Variants in IGF2R observed in about 807,000 individuals in gnomAD.
The protein encoded by IGF2R is insulin like growth factor 2 receptor, also known as cation-independent mannose-6-phosphate receptor.
Under a neutral mutation model 270.6 loss-of-function variants are expected in IGF2R, and 91 were observed. The observed-to-expected ratio is 0.34, with a 90% CI of 0.28 to 0.40. The LOEUF (loss-of-function observed/expected upper bound fraction) is 0.40. Among genes scored for constraint, IGF2R ranks in the 10% least tolerant of loss-of-function variants. IGF2R has a pLI of 1.00. For missense variants in IGF2R, 2,805 were observed against 3,188.3 expected, an observed-to-expected ratio of 0.88 and a Z score of 2.90; for synonymous variants, 1,316 against 1,258.9, an observed-to-expected ratio of 1.05 and a Z score of -0.96.
chr6:160,064,466 A>G lies in IGF2R; in HGVS notation c.3952A>G (p.Thr1318Ala), dbSNP rs776004608. Residue 1318 changes from threonine (T) to alanine (A), a missense_variant, in exon 28 of 48, where the codon ACT (threonine) becomes GCT (alanine). Physicochemically the swap from Thr to Ala is moderately conservative, Grantham distance 58. Coordinates refer to ENST00000356956, the MANE Select transcript of IGF2R (RefSeq NM_000876.4). ...AAAAATGAACTTCACGGGGGGGGAC[A>G]CTTGCCATAAGGTTTATCAGCGCTC... ...LLKMNFTGGD[T>A]CHKVYQRSTA... is the part of the protein sequence containing the mutation. The G allele has an allele frequency of 6.2e-7, 1 of 1,614,088 alleles. No homozygotes were observed. The highest frequency in any genetic ancestry group is 1.1e-5 in the South Asian group (1 of 91,076).
rs1779595050 is a variant in IGF2R at position 160,105,521 on chromosome 6, A to G, written c.*437A>G. ...TGAGAAAAAGGAAAAAAAAACAGCCACCGTTTCTTCCTGCCAGCAGGGGTG... is the reference window on the plus strand; with the variant it reads ...TGAGAAAAAGGAAAAAAAAACAGCCGCCGTTTCTTCCTGCCAGCAGGGGTG... On this transcript the variant is annotated 3_prime_UTR_variant, in exon 48 of 48. Transcript: ENST00000356956. 6.4e-6 allele frequency: 1 copy of G among 156,608 alleles called. No homozygotes were observed. Among genetic ancestry groups the G allele is most frequent in the Non-Finnish European group, 1.4e-5 (1 of 70,584 alleles). 9.7% of individuals were successfully genotyped at this position (156,608 alleles called of 1,614,324 possible).
At chr6:159,982,164 T>C (rs1347718548) in intron 1 of IGF2R, among the ~76,000 whole-genome samples, 1 of 152,204 alleles carries the variant, frequency 6.6e-6, no homozygotes, top group African/African-American at 2.4e-5. Context: ...GTGGTTACCT[T>C]AGGCTCTTGA....
chr6:160,033,902 TA>T (rs1289444968), intron 9 of IGF2R, among the ~76,000 whole-genome samples: 5 of 152,204 alleles, frequency 3.3e-5, no homozygotes, highest in African/African-American at 9.7e-5. Context: ...GAAAATGTGT[TA>T]GGGGCAGTTA....
chr6:160,035,563 T>C (rs1172392463), intron 10 of IGF2R, among the ~76,000 whole-genome samples: 1 of 152,222 alleles, frequency 6.6e-6, no homozygotes, highest in Non-Finnish European at 1.5e-5. Context: ...CAGTAACTGC[T>C]GTTGTGGCAC....
chr6:160,057,872 G>A (rs913414984), intron 20 of IGF2R, 151 bp from the exon 21 acceptor site: 7 of 594,478 alleles, frequency 1.2e-5, no homozygotes, highest in South Asian at 9.8e-5. Context: ...GCTACATGTA[G>A]GGCTACATTT....
At chr6:160,045,697 T>G (rs1778053080) in intron 13 of IGF2R, 48 bp from the exon 14 acceptor site, 19 of 1,609,712 alleles carry the variant, frequency 1.2e-5, no homozygotes, top group Non-Finnish European at 1.6e-5. Context: ...GTAAGATATT[T>G]TAGGAATGAA....
intron 39 of IGF2R, among the ~76,000 whole-genome samples, chr6:160,083,564 A>G (rs1475643963): frequency 6.6e-6 from 1 of 152,264 alleles, no homozygotes; most frequent in Non-Finnish European, 1.5e-5. Context: ...TCACATGGGG[A>G]GAAACCTTGG....
At chr6:159,987,625 C>T (rs540241017) in intron 1 of IGF2R, among the ~76,000 whole-genome samples, 3 of 152,114 alleles carry the variant, frequency 2.0e-5, no homozygotes, top group South Asian at 2.1e-4. Flanking sequence ...CTCCTGACCT[C>T]GTGATCTGCA....
intron 18 of IGF2R, among the ~76,000 whole-genome samples, chr6:160,049,324 TCAC>T (rs1475780294): frequency 6.6e-6 from 1 of 152,142 alleles, no homozygotes; most frequent in African/African-American, 2.4e-5. Context: ...AACTCCAAAA[TCAC>T]CACGCGGAAC....
At position 160,024,775 on chromosome 6, in the gene IGF2R, T is replaced by C. The variant is rs988151651; in HGVS notation, c.646+71T>C. On this transcript the variant is annotated intron_variant, in intron 5 of 47. Transcript: ENST00000356956. ...TCTATGGCTTCAATATCTTTGCCTT[T>C]CTACCTTTATTTCTGTTTTCACATC... 18 of 1,508,378 alleles carry C rather than the reference T, an allele frequency of 1.2e-5. No individual in the cohort carries two copies. In the African/African-American group the frequency reaches 1.8e-4, roughly 15 times the overall value. 93.4% of individuals were successfully genotyped at this position (1,508,378 alleles called of 1,614,324 possible). A position where few individuals can be genotyped will look rare whatever the true frequency, so the allele number is the denominator to read the frequency against.
At chr6:159,973,254 C>T (rs1004846909) in intron 1 of IGF2R, among the ~76,000 whole-genome samples, 1 of 152,180 alleles carries the variant, frequency 6.6e-6, no homozygotes, top group Admixed American at 6.5e-5. Flanking sequence ...ATGCTTTAAA[C>T]TTTGTAAAAT....
intron 2 of IGF2R, among the ~76,000 whole-genome samples, chr6:159,995,051 A>G (rs1301573333): frequency 6.6e-6 from 1 of 152,098 alleles, no homozygotes; most frequent in Non-Finnish European, 1.5e-5. Flanking sequence ...GAAGTCTCTC[A>G]TTATTATTAC....
intron 44 of IGF2R, chr6:160,093,672 A>G: frequency 1.3e-6 from 1 of 751,774 alleles, no homozygotes; most frequent in Non-Finnish European, 2.5e-6. Context: ...ACTCTGGCTC[A>G]TTTCCAAACC....
intron 44 of IGF2R, chr6:160,093,954 G>C: frequency 1.4e-6 from 1 of 691,846 alleles, no homozygotes; most frequent in Non-Finnish European, 2.8e-6. Context: ...TTTTGGAGAA[G>C]GTGGATGTAG....
intron 9 of IGF2R, 77 bp from the exon 10 acceptor site, chr6:160,034,342 T>C: frequency 1.1e-6 from 1 of 905,606 alleles, no homozygotes; most frequent in East Asian, 2.5e-5. Context: ...AAAGGCTTAA[T>C]GTAGACATTT....
chr6:160,007,904 A>G (rs1454506907), intron 2 of IGF2R, among the ~76,000 whole-genome samples: 1 of 152,180 alleles, frequency 6.6e-6, no homozygotes, highest in Admixed American at 6.5e-5. Flanking sequence ...ATCTTTCTCT[A>G]TCTTAAGATT....
intron 39 of IGF2R, among the ~76,000 whole-genome samples, chr6:160,081,779 G>A (rs1237099051): frequency 3.3e-5 from 5 of 152,246 alleles, no homozygotes; most frequent in Admixed American, 2.0e-4. Flanking sequence ...TCTCTTACCC[G>A]TTTTCGGTAA....
At position 160,107,968 on chromosome 6, in the gene IGF2R, C is replaced by T. The variant is rs1779658109; in HGVS notation, c.*2884C>T. 6.6e-6 allele frequency: 1 copy of T among 152,220 alleles called. No homozygotes were observed. The allele number at this position is 152,220 out of a possible 1,614,324, so 9.4% of individuals were successfully genotyped here. The stretch of plus-strand genomic sequence containing the variant: ...AAGATGCCACCTGGTGATTAAAGAA[C>T]ACTTTGGGCTGGTCCGATCCATTGT... On this transcript the variant is annotated 3_prime_UTR_variant, in exon 48 of 48. Coordinates refer to ENST00000356956, the MANE Select transcript of IGF2R (RefSeq NM_000876.4).
In IGF2R at chr6:160,073,952, G is replaced by C. The variant is rs757770622; in HGVS notation, c.5143G>C (p.Val1715Leu). 6.2e-7 allele frequency: 1 copy of C among 1,613,184 alleles called. No homozygotes were observed. Among genetic ancestry groups the C allele is most frequent in the African/African-American group, 1.3e-5 (1 of 74,934 alleles). ...TCCTGCCGGAGCCGCTGTGTGCAAA[G>C]TTCCTATTGATGGTCCCCCCATAGT... ...PCPAGAAVCK[V>L]PIDGPPIDIG... is the part of the protein sequence containing the mutation. The change falls in exon 35 of 48, where the codon GTT (valine) becomes CTT (leucine). Residue 1715 changes from valine to leucine, a missense_variant. Physicochemically the swap from Val to Leu is conservative, Grantham distance 32. This residue lies in a region of IGF2R where 1,851 missense variants were observed against 2,207.2 expected (regional missense o/e 0.84). Transcript: ENST00000356956.
Sources: gnomAD v4.1 joint callset for allele counts (sites outside exome capture counted in the v4.1 genomes callset) on GRCh38, gnomAD v4.1.1 for gene constraint, gnomAD v4.1.1 regional missense constraint, MANE v1.5 for transcripts, NCBI Gene and HGNC (gene_info 2026-07-23, HGNC 2026-07-21) for gene names.